The following CACNA2D1 variants were observed in gnomAD, a reference collection of about 807,000 sequenced individuals.
CACNA2D1 encodes the protein voltage-dependent calcium channel subunit alpha-2/delta-1.
A neutral mutation model predicts 171.5 loss-of-function variants in CACNA2D1; 53 were observed. The observed-to-expected ratio is 0.31, with a 90% confidence interval of 0.25 to 0.39. The LOEUF (loss-of-function observed/expected upper bound fraction) is 0.39, where lower values mean the gene tolerates loss of function less well. Ranked by LOEUF, CACNA2D1 falls within the 10% of genes least tolerant of loss-of-function variation. The probability of loss-of-function intolerance (pLI) is 1.00; values close to 1 mark genes in which losing one functional copy is unlikely to be tolerated. For missense variants in CACNA2D1, 903 were observed against 1,299.8 expected, an observed-to-expected ratio of 0.69 and a Z score of 4.69; for synonymous variants, 442 against 443.1, an observed-to-expected ratio of 1.00 and a Z score of 0.03.
chr7:82,087,145 C>G (rs147275891), intron 6 of CACNA2D1, among the ~76,000 whole-genome samples: 2 of 152,084 alleles, frequency 1.3e-5, no homozygotes, highest in African/African-American at 2.4e-5. Flanking sequence ...CACATCAGTA[C>G]GGTTTATAAA....
intron 1 of CACNA2D1, among the ~76,000 whole-genome samples, chr7:82,402,705 C>CAAAAAAA (rs59290672): frequency 1.2e-4 from 8 of 64,818 alleles, no homozygotes; most frequent in Admixed American, 2.2e-4. Flanking sequence ...GACTCTGTCT[C>CAAAAAAA]AAAAAAAAAA....
At chr7:82,108,550 T>A (rs1788011992) in intron 6 of CACNA2D1, among the ~76,000 whole-genome samples, 1 of 152,126 alleles carries the variant, frequency 6.6e-6, no homozygotes, top group Admixed American at 6.6e-5. Flanking sequence ...CTAAAGCAAT[T>A]TACAATATCT....
chr7:82,060,588 TAAGGA>T, intron 9 of CACNA2D1, 61 bp from the exon 10 acceptor site: 2 of 966,938 alleles, frequency 2.1e-6, no homozygotes, highest in Non-Finnish European at 3.3e-6. Context: ...AAGAACATCA[TAAGGA>T]AAGATAATGT....
At chr7:82,036,398 T>C (rs926971866) in intron 11 of CACNA2D1, among the ~76,000 whole-genome samples, 6 of 152,230 alleles carry the variant, frequency 3.9e-5, no homozygotes, top group Non-Finnish European at 7.3e-5. Flanking sequence ...CTGTGCTATG[T>C]TGTGTCACAC....
At chr7:82,204,814 C>G (rs535230457) in intron 3 of CACNA2D1, among the ~76,000 whole-genome samples, 2 of 152,230 alleles carry the variant, frequency 1.3e-5, no homozygotes, top group South Asian at 2.1e-4. Context: ...CTGCCTTGGC[C>G]TAGGGGGTGG....
At position 82,219,211 on chromosome 7, in the gene CACNA2D1, G is replaced by GA. The variant is rs544815964; in HGVS notation, c.295-48603dup. ...GACCTATACAATCTGAATTCATGCA[G>GA]AAAAAAGTGGCACAGGTCAAATCTC... On this transcript the variant is annotated intron_variant, in intron 3 of 38. Transcript: ENST00000356860. Among the ~76,000 whole-genome samples the GA allele has an allele frequency of 9.2e-5, 14 of 152,168 alleles. No individual in the cohort carries two copies. The South Asian group carries it at 2.9e-3, about 32-fold the overall frequency.
At chr7:82,024,634 AAG>A (rs1387018492) in intron 12 of CACNA2D1, among the ~76,000 whole-genome samples, 1 of 151,680 alleles carries the variant, frequency 6.6e-6, no homozygotes, top group African/African-American at 2.4e-5. Context: ...TTCTGTGGAC[AAG>A]AGTTTTAGCT....
intron 24 of CACNA2D1, among the ~76,000 whole-genome samples, chr7:81,980,504 G>A (rs546655881): frequency 6.6e-6 from 1 of 152,282 alleles, no homozygotes; most frequent in South Asian, 2.1e-4. Context: ...GGACTTGGTG[G>A]AAGAGCATTT....
At position 81,959,342 on chromosome 7, in the gene CACNA2D1, G is replaced by A; in HGVS notation, c.3092C>T (p.Pro1031Leu). The A allele has an allele frequency of 6.2e-7, 1 of 1,609,484 alleles. No homozygotes were observed. Among genetic ancestry groups the A allele is most frequent in the Non-Finnish European group, 8.5e-7 (1 of 1,176,102 alleles). The change falls in exon 38 of 39, where the codon CCT (proline) becomes CTT (leucine). Residue 1031 changes from proline (P) to leucine (L), a missense_variant. Physicochemically the swap from Pro to Leu is moderately conservative, Grantham distance 98 (BLOSUM62 -3). Coordinates refer to ENST00000356860, the MANE Select transcript of CACNA2D1 (RefSeq NM_000722.4). ...TCTGGGTTGCTTAACCATGTCACAA[G>A]GATTTGGACCGTCAGCTAAAAGAGA... ...QAEQTSDGPN[P>L]CDMVKQPRYR...
chr7:82,018,742 A>T (rs1800812174), intron 12 of CACNA2D1, among the ~76,000 whole-genome samples: 1 of 151,900 alleles, frequency 6.6e-6, no homozygotes, highest in African/African-American at 2.4e-5. Context: ...CAGCACTTTG[A>T]GAGGCTGAGG....
At chr7:82,034,472 C>T (rs1221329771) in intron 11 of CACNA2D1, among the ~76,000 whole-genome samples, 2 of 152,020 alleles carry the variant, frequency 1.3e-5, no homozygotes. Flanking sequence ...TTTAATCAAA[C>T]ATTGTGAAAG....
At chr7:82,136,712 A>T (rs2129078592) in intron 4 of CACNA2D1, 36 bp from the exon 5 acceptor site, 1 of 1,395,150 alleles carries the variant, frequency 7.2e-7, no homozygotes, top group African/African-American at 1.4e-5. Context: ...TGATTTTAAT[A>T]AAAACAATAC....
rs573674410 is a variant in CACNA2D1 at position 82,360,346 on chromosome 7, T to C, written c.96-10697A>G. ...AGATTTAAAAACAAGAATACCTAAG[T>C]AGGTTCTTCCTTAAGACATCTCAGT... On this transcript the variant is annotated intron_variant, in intron 1 of 38. Transcript: ENST00000356860. Among the ~76,000 whole-genome samples, 36 of 152,312 alleles carry C rather than the reference T, an allele frequency of 2.4e-4. No homozygotes were observed. In the South Asian group the frequency reaches 7.5e-3, roughly 32 times the overall value.
intron 1 of CACNA2D1, among the ~76,000 whole-genome samples, chr7:82,392,373 T>C (rs1276628383): frequency 6.6e-6 from 1 of 152,210 alleles, no homozygotes; most frequent in Non-Finnish European, 1.5e-5. Flanking sequence ...AGCTGTTCTG[T>C]TGCTCAGTAA....
chr7:82,362,569 G>A (rs1821189538), intron 1 of CACNA2D1, among the ~76,000 whole-genome samples: 1 of 152,062 alleles, frequency 6.6e-6, no homozygotes. Context: ...GAGGAAAAAA[G>A]GCCCTTCAGT....
intron 21 of CACNA2D1, among the ~76,000 whole-genome samples, chr7:81,988,309 A>G (rs1165627561): frequency 1.3e-5 from 2 of 152,180 alleles, no homozygotes; most frequent in East Asian, 3.9e-4. Context: ...GGGAGGAAAA[A>G]GAGTAACTTG....
chr7:82,413,849 C>T (rs545218446), intron 1 of CACNA2D1, among the ~76,000 whole-genome samples: 12 of 151,946 alleles, frequency 7.9e-5, no homozygotes, highest in Admixed American at 2.6e-4. Flanking sequence ...TATATACTCA[C>T]TAATACAGAA....
chr7:82,163,377 T>A (rs1285418499), intron 4 of CACNA2D1, among the ~76,000 whole-genome samples: 3 of 152,042 alleles, frequency 2.0e-5, no homozygotes, highest in Non-Finnish European at 2.9e-5. Flanking sequence ...TAACAATATA[T>A]GTTTGGAGAT....
intron 38 of CACNA2D1, among the ~76,000 whole-genome samples, chr7:81,955,913 G>A (rs1373581444): frequency 8.9e-6 from 1 of 112,214 alleles, no homozygotes; most frequent in African/African-American, 3.5e-5. Flanking sequence ...GGTGGGGGGG[G>A]GGGGGGGTGG....
Sources: allele counts gnomAD v4.1 joint callset (sites outside exome capture counted in the v4.1 genomes callset), GRCh38; gene constraint gnomAD v4.1.1; transcripts MANE v1.5; gene names NCBI Gene and HGNC (gene_info 2026-07-23, HGNC 2026-07-21).